KATNB1: variants seen among roughly 807,000 people sequenced by gnomAD.
KATNB1 encodes the protein katanin regulatory subunit B1.
KATNB1 carries 38 observed loss-of-function variants against 82.3 expected under a neutral mutation model. That is an observed-to-expected ratio of 0.46 (90% confidence interval 0.36 to 0.61). The LOEUF is 0.61. Among genes scored for constraint, KATNB1 ranks in the 20% least tolerant of loss-of-function variants. KATNB1 has a pLI of 0.00. For synonymous variants in KATNB1, 361 were observed against 368.7 expected, an observed-to-expected ratio of 0.98 and a Z score of 0.24; for missense variants, 749 against 915.7, an observed-to-expected ratio of 0.82 and a Z score of 2.35.
chr16:57,751,509 A>G lies in KATNB1; in HGVS notation c.433-132A>G. On this transcript the variant is annotated intron_variant, in intron 6 of 19. Coordinates refer to ENST00000379661, the MANE Select transcript of KATNB1 (RefSeq NM_005886.3). The surrounding 1 kb of genome is among the most constrained non-coding windows in gnomAD (Gnocchi z 6.3). ...TGAATCCCCTAGAGCCACGTTCATC[A>G]AACTGCTCCAAGCAGAACCAGGCGG... is the stretch of plus-strand genomic sequence containing the variant. The G allele has an allele frequency of 9.9e-7, 1 of 1,011,174 alleles. No homozygotes were observed. Among genetic ancestry groups the G allele is most frequent in the Non-Finnish European group, 1.5e-6 (1 of 655,456 alleles). 62.6% of individuals were successfully genotyped at this position (1,011,174 alleles called of 1,614,324 possible). A position where few individuals can be genotyped will look rare whatever the true frequency, so the allele number is the denominator to read the frequency against.
intron 2 of KATNB1, among the ~76,000 whole-genome samples, chr16:57,741,046 C>T (rs1221829717): frequency 6.6e-6 from 1 of 152,228 alleles, no homozygotes; most frequent in South Asian, 2.1e-4. Context: ...GACAAGTGAC[C>T]TAGTAGCCAA....
Position 57,755,846 on chromosome 16 carries a change from G to A in KATNB1, c.1572G>A (p.Ser524=), listed in dbSNP as rs782643338. 44 of 1,587,584 alleles carry A rather than the reference G, an allele frequency of 2.8e-5. No individual in the cohort carries two copies. The highest frequency in any genetic ancestry group is 5.1e-5 in the Admixed American group (3 of 59,188). The change falls in exon 17 of 20, where the codon TCG becomes TCA. Residue 524 remains serine (S), a synonymous_variant. Transcript: ENST00000379661. ...AVWTMGDIKT[S]VDSAVAINDL... ...ACGGTGCTCTGTTTGCACAGACGTC[G>A]GTGGACTCCGCTGTGGCCATCAACG...
Position 57,754,979 on chromosome 16 carries a change from G to A in KATNB1, c.1278G>A (p.Val426=), listed in dbSNP as rs1437037979. Residue 426 remains valine, a synonymous_variant, in exon 14 of 20, where the codon GTG becomes GTA. Transcript: ENST00000379661. ...EAAKPSPAMD[V]QFPVPNLEVL... is the part of the protein sequence containing the mutation. Reference sequence around the variant, plus strand: ...CAAAGCCCAGCCCTGCCATGGATGTGCAGTTCCCGGTGCCAAATGTATGTC... The same window carrying A: ...CAAAGCCCAGCCCTGCCATGGATGTACAGTTCCCGGTGCCAAATGTATGTC... 5 of 1,613,970 alleles carry A rather than the reference G, an allele frequency of 3.1e-6. No homozygotes were observed. The highest frequency in any genetic ancestry group is 1.7e-5 in the Admixed American group (1 of 60,010).
rs531881783 is a variant in KATNB1 at position 57,739,229 on chromosome 16, G to A, written c.40+1946G>A. Among the ~76,000 whole-genome samples, 16 of 152,354 alleles carry A rather than the reference G, an allele frequency of 1.1e-4. No homozygotes were observed. The South Asian group carries it at 3.1e-3, about 30-fold the overall frequency. On this transcript the variant is annotated intron_variant, in intron 2 of 19. Transcript: ENST00000379661. ...AGATCAGGCGTATTGGGCATCTGCT[G>A]CTGCTGCTGATTTCATGTGCACGGT...
In KATNB1 at chr16:57,741,739, C is replaced by T. The variant is rs146372886; in HGVS notation, c.93C>T (p.Ala31=). 5.5e-3 allele frequency: 8,808 copies of T among 1,614,192 alleles called. 29 individuals carry two copies. The highest frequency in any genetic ancestry group is 5.6e-3 in the Non-Finnish European group (6,648 of 1,180,042). The change falls in exon 3 of 20, where the codon GCC becomes GCT. Residue 31 remains alanine (A), a synonymous_variant. Transcript: ENST00000379661. ...TGTCCTCACTGGTGCTGGGCAAAGCCTCCGGGCGGCTGCTGGCTACAGGCG... is the reference window on the plus strand; with the variant it reads ...TGTCCTCACTGGTGCTGGGCAAAGCTTCCGGGCGGCTGCTGGCTACAGGCG... ...SNVSSLVLGK[A]SGRLLATGGD... is the part of the protein sequence containing the mutation.
intron 18 of KATNB1, 100 bp downstream of exon 18, chr16:57,756,166 C>A (rs986172884): frequency 2.2e-6 from 3 of 1,374,190 alleles, no homozygotes; most frequent in South Asian, 1.2e-5. Flanking sequence ...CCTGGGTGTT[C>A]CTGTGAGCTG....
intron 2 of KATNB1, among the ~76,000 whole-genome samples, chr16:57,740,443 C>G (rs2049133444): frequency 6.6e-6 from 1 of 152,194 alleles, no homozygotes; most frequent in Non-Finnish European, 1.5e-5. Flanking sequence ...AGCAGAGACA[C>G]CCAGGCAGGG....
chr16:57,745,926 TCTC>T (rs1555581327), intron 4 of KATNB1, among the ~76,000 whole-genome samples: 1 of 152,178 alleles, frequency 6.6e-6, no homozygotes, highest in Non-Finnish European at 1.5e-5. Context: ...TCTCAGAGCC[TCTC>T]CTCTGGTCCT....
At chr16:57,747,755 C>T (rs2148792485) in intron 4 of KATNB1, among the ~76,000 whole-genome samples, 1 of 152,344 alleles carries the variant, frequency 6.6e-6, no homozygotes, top group South Asian at 2.1e-4. Context: ...GGGCACCAGC[C>T]ATTCAGTATT....
rs1555582996 is a variant in KATNB1 at position 57,751,239 on chromosome 16, T to G, written c.391-22T>G. 6.2e-7 allele frequency: 1 copy of G among 1,613,162 alleles called. No individual in the cohort carries two copies. The highest frequency in any genetic ancestry group is 8.5e-7 in the Non-Finnish European group (1 of 1,179,238). On this transcript the variant is annotated intron_variant, in intron 5 of 19. Transcript: ENST00000379661. The surrounding 1 kb of genome is among the most constrained non-coding windows in gnomAD (Gnocchi z 6.3). ...CTCTGACCTCTCCTGACTCTGCCCC[T>G]CTGCTTCTCTCTCCCCCACAGCTCT...
chr16:57,751,818 C>G lies in KATNB1; in HGVS notation c.516+94C>G. 1.4e-6 allele frequency: 2 copies of G among 1,419,466 alleles called. No homozygotes were observed. Among genetic ancestry groups the G allele is most frequent in the Non-Finnish European group, 2.0e-6 (2 of 1,014,474 alleles). 87.9% of individuals were successfully genotyped at this position (1,419,466 alleles called of 1,614,324 possible). A position where few individuals can be genotyped will look rare whatever the true frequency, so the allele number is the denominator to read the frequency against. On this transcript the variant is annotated intron_variant, in intron 7 of 19. Transcript: ENST00000379661. The surrounding 1 kb of genome is among the most constrained non-coding windows in gnomAD (Gnocchi z 6.3). The stretch of plus-strand genomic sequence containing the variant: ...CTCACCTCCCTCCTGATCGGGCTCA[C>G]ATGTCCCAAGCCTATCCCGAGTGGA...
intron 1 of KATNB1, chr16:57,736,630 TCCCACAC>T: frequency 4.9e-6 from 1 of 203,602 alleles, no homozygotes; most frequent in Non-Finnish European, 1.0e-5. Context: ...CTCTCCCACA[TCCCACAC>T]GTCAGACAAA....
intron 3 of KATNB1, among the ~76,000 whole-genome samples, chr16:57,743,272 G>T (rs1408393490): frequency 1.3e-5 from 2 of 152,288 alleles, no homozygotes; most frequent in East Asian, 3.9e-4. Context: ...CAGGCTGGGT[G>T]ATAGAGCAAG....
chr16:57,751,210 GT>G lies in KATNB1; in HGVS notation c.391-50del. The G allele has an allele frequency of 6.4e-7, 1 of 1,570,678 alleles. No individual in the cohort carries two copies. The highest frequency in any genetic ancestry group is 2.2e-5 in the East Asian group (1 of 44,672). Reference sequence around the variant, plus strand: ...CACGACTGCACACCTTCCTCCAGTCGTGGCTCTGACCTCTCCTGACTCTGCC... The same window carrying G: ...CACGACTGCACACCTTCCTCCAGTCGGGCTCTGACCTCTCCTGACTCTGCC... On this transcript the variant is annotated intron_variant, in intron 5 of 19. Transcript: ENST00000379661. This position sits in a 1 kb window ranked among gnomAD's most constrained non-coding sequence, Gnocchi z 6.3.
At chr16:57,744,798 T>A (rs887834497) in intron 4 of KATNB1, among the ~76,000 whole-genome samples, 1 of 148,920 alleles carries the variant, frequency 6.7e-6, no homozygotes, top group South Asian at 2.1e-4. Context: ...TGTGTGTGTG[T>A]GTGTTTAGAA....
chr16:57,752,737 T>G, intron 9 of KATNB1, 41 bp from the exon 10 acceptor site: 1 of 1,598,026 alleles, frequency 6.3e-7, no homozygotes, highest in South Asian at 1.1e-5. Flanking sequence ...GGGACCAGGC[T>G]GGGTGCCACA....
chr16:57,747,921 T>C (rs1555581861), intron 4 of KATNB1, among the ~76,000 whole-genome samples: 2 of 152,196 alleles, frequency 1.3e-5, no homozygotes, highest in Admixed American at 1.3e-4. Flanking sequence ...TCCTGGGCCC[T>C]GGACGGCCAG....
Position 57,751,520 on chromosome 16 carries a change from A to G in KATNB1, c.433-121A>G. 1 of 1,067,238 alleles carries G rather than the reference A, an allele frequency of 9.4e-7. No individual in the cohort carries two copies. Among genetic ancestry groups the G allele is most frequent in the Non-Finnish European group, 1.4e-6 (1 of 701,122 alleles). The allele number at this position is 1,067,238 out of a possible 1,614,324, so 66.1% of individuals were successfully genotyped here. A position where few individuals can be genotyped will look rare whatever the true frequency, so the allele number is the denominator to read the frequency against. ...GAGCCACGTTCATCAAACTGCTCCA[A>G]GCAGAACCAGGCGGGTAACCAGTGT... On this transcript the variant is annotated intron_variant, in intron 6 of 19. Coordinates refer to ENST00000379661, the MANE Select transcript of KATNB1 (RefSeq NM_005886.3). The surrounding 1 kb of genome is among the most constrained non-coding windows in gnomAD (Gnocchi z 6.3).
chr16:57,740,864 G>A (rs1555579215), intron 2 of KATNB1, among the ~76,000 whole-genome samples: 1 of 152,100 alleles, frequency 6.6e-6, no homozygotes, highest in Non-Finnish European at 1.5e-5. Context: ...GCCCGCCCAG[G>A]CCCCCATGCC....
Sources: gnomAD v4.1 joint callset for allele counts (sites outside exome capture counted in the v4.1 genomes callset) on GRCh38, gnomAD v4.1.1 for gene constraint, Gnocchi (gnomAD v3.1) non-coding constraint, MANE v1.5 for transcripts, NCBI Gene and HGNC (gene_info 2026-07-23, HGNC 2026-07-21) for gene names.